Variants in CYYR1 observed in about 807,000 individuals in gnomAD.
CYYR1 encodes the protein cysteine and tyrosine rich 1.
CYYR1 carries 14 observed loss-of-function variants against 15.2 expected under a neutral mutation model. The observed-to-expected ratio is 0.92, with a 90% CI of 0.61 to 1.44. The LOEUF (loss-of-function observed/expected upper bound fraction) is 1.44. Among genes scored for constraint, CYYR1 ranks in the 40% most tolerant of loss-of-function variants. The probability of loss-of-function intolerance (pLI) is 0.00; values close to 1 mark genes in which losing one functional copy is unlikely to be tolerated. For synonymous variants in CYYR1, 80 were observed against 77.4 expected, an observed-to-expected ratio of 1.03 and a Z score of -0.18; for missense variants, 228 against 209.5, an observed-to-expected ratio of 1.09 and a Z score of -0.54.
intron 2 of CYYR1, among the ~76,000 whole-genome samples, chr21:26,535,006 ATTTAT>A (rs1483345000): frequency 6.6e-6 from 1 of 152,100 alleles, no homozygotes; most frequent in Non-Finnish European, 1.5e-5. Context: ...TTATTTTATT[ATTTAT>A]TTATTTACTT....
At chr21:26,554,579 T>C (rs545162364) in intron 2 of CYYR1, among the ~76,000 whole-genome samples, 10 of 152,188 alleles carry the variant, frequency 6.6e-5, no homozygotes, top group African/African-American at 2.2e-4. Context: ...AAGGGCACCA[T>C]TTATTTCACT....
chr21:26,515,865 A>G (rs222927), intron 2 of CYYR1, among the ~76,000 whole-genome samples: 2,273 of 152,298 alleles, frequency 0.015, 35 homozygotes, highest in South Asian at 0.087. Flanking sequence ...AGGCTCTTTC[A>G]TATGGGCAAT....
At chr21:26,560,088 G>A (rs1980093362) in intron 2 of CYYR1, among the ~76,000 whole-genome samples, 1 of 152,008 alleles carries the variant, frequency 6.6e-6, no homozygotes, top group South Asian at 2.1e-4. Context: ...AATTTGATAT[G>A]TCTCTTAATT....
intron 1 of CYYR1, among the ~76,000 whole-genome samples, chr21:26,567,525 T>C (rs990965507): frequency 6.6e-6 from 1 of 152,194 alleles, no homozygotes; most frequent in Admixed American, 6.5e-5. Context: ...CAAGCAAAGG[T>C]TGTCACTGAC....
intron 1 of CYYR1, among the ~76,000 whole-genome samples, chr21:26,567,195 C>T (rs555377216): frequency 6.6e-6 from 1 of 152,172 alleles, no homozygotes; most frequent in South Asian, 2.1e-4. Context: ...TGTATAATTA[C>T]AGTTTGCATA....
At chr21:26,480,808 A>G (rs2065169833) in intron 2 of CYYR1, among the ~76,000 whole-genome samples, 1 of 152,154 alleles carries the variant, frequency 6.6e-6, no homozygotes, top group Admixed American at 6.6e-5. Context: ...TCTGTTGGGC[A>G]TAGCATGTAT....
chr21:26,531,277 A>G (rs1348712268), intron 2 of CYYR1, among the ~76,000 whole-genome samples: 1 of 152,168 alleles, frequency 6.6e-6, no homozygotes, highest in African/African-American at 2.4e-5. Context: ...AGATTGTGTT[A>G]TTCCTTGACA....
chr21:26,510,438 T>C (rs770012878), intron 2 of CYYR1, among the ~76,000 whole-genome samples: 11 of 152,144 alleles, frequency 7.2e-5, no homozygotes, highest in Non-Finnish European at 1.2e-4. Context: ...ATGAAGAAAA[T>C]GCCAAGGAAA....
intron 2 of CYYR1, among the ~76,000 whole-genome samples, chr21:26,480,903 A>C (rs1209177598): frequency 6.6e-6 from 1 of 152,190 alleles, no homozygotes; most frequent in Non-Finnish European, 1.5e-5. Flanking sequence ...TCATAGAACA[A>C]GAATATTTGT....
At chr21:26,473,899 A>G (rs141114613) in intron 3 of CYYR1, among the ~76,000 whole-genome samples, 1 of 152,208 alleles carries the variant, frequency 6.6e-6, no homozygotes, top group East Asian at 1.9e-4. Context: ...TTTCTTCCAC[A>G]TCCTACCACC....
chr21:26,509,403 A>G (rs1008551662), intron 2 of CYYR1, among the ~76,000 whole-genome samples: 2 of 152,064 alleles, frequency 1.3e-5, no homozygotes, highest in African/African-American at 2.4e-5. Flanking sequence ...ATCCCTTTTT[A>G]CTATTTTATT....
intron 1 of CYYR1, among the ~76,000 whole-genome samples, chr21:26,570,211 G>A (rs1013111210): frequency 6.6e-6 from 1 of 152,162 alleles, no homozygotes; most frequent in Non-Finnish European, 1.5e-5. Context: ...TACTTCTAAT[G>A]TCCAAGTTAG....
At chr21:26,521,946 G>T (rs983406318) in intron 2 of CYYR1, among the ~76,000 whole-genome samples, 12 of 152,208 alleles carry the variant, frequency 7.9e-5, no homozygotes, top group Admixed American at 2.6e-4. Flanking sequence ...GAAAGGACCT[G>T]TGGTGGTATG....
At chr21:26,567,248 G>T (rs922035882) in intron 1 of CYYR1, among the ~76,000 whole-genome samples, 2 of 152,120 alleles carry the variant, frequency 1.3e-5, no homozygotes, top group African/African-American at 4.8e-5. Flanking sequence ...AATTCATCTG[G>T]ATGAAAAGAT....
intron 2 of CYYR1, among the ~76,000 whole-genome samples, chr21:26,531,252 T>C (rs2065926722): frequency 6.6e-6 from 1 of 152,184 alleles, no homozygotes. Flanking sequence ...CTGGATTGGA[T>C]GGATGACTAT....
intron 2 of CYYR1, among the ~76,000 whole-genome samples, chr21:26,504,522 T>C (rs1330619871): frequency 6.6e-6 from 1 of 152,154 alleles, no homozygotes; most frequent in Non-Finnish European, 1.5e-5. Context: ...TTTAAAAATT[T>C]TTTGTGAGTA....
intron 2 of CYYR1, among the ~76,000 whole-genome samples, chr21:26,542,567 T>C (rs1978650110): frequency 6.6e-6 from 1 of 152,162 alleles, no homozygotes; most frequent in Non-Finnish European, 1.5e-5. Context: ...TAATTGTTTT[T>C]TTCCTATGTT....
intron 2 of CYYR1, among the ~76,000 whole-genome samples, chr21:26,498,751 A>G (rs907170212): frequency 6.6e-6 from 1 of 152,164 alleles, no homozygotes; most frequent in African/African-American, 2.4e-5. Context: ...CAGGAAACTT[A>G]CAATCATGGG....
At chr21:26,525,298 T>C (rs549017820) in intron 2 of CYYR1, among the ~76,000 whole-genome samples, 7 of 152,334 alleles carry the variant, frequency 4.6e-5, no homozygotes, top group African/African-American at 1.7e-4. Flanking sequence ...AAATATTATT[T>C]TGAACTAATT....
Sources: allele counts gnomAD v4.1 joint callset (sites outside exome capture counted in the v4.1 genomes callset), GRCh38; gene constraint gnomAD v4.1.1; transcripts MANE v1.5; gene names NCBI Gene and HGNC (gene_info 2026-07-23, HGNC 2026-07-21).